Variants in ANGPT1 observed in about 807,000 individuals in gnomAD.
ANGPT1 encodes angiopoietin 1, also known as angiopoietin-1.
ANGPT1 carries 17 observed loss-of-function variants against 62.2 expected under a neutral mutation model. The ratio of observed to expected loss-of-function variants is 0.27; its 90% CI spans 0.19 to 0.41. The LOEUF is 0.41. ANGPT1 is among the 10% of genes least tolerant of loss of function. The probability of loss-of-function intolerance (pLI) is 1.00; values close to 1 mark genes in which losing one functional copy is unlikely to be tolerated. For missense variants in ANGPT1, 478 were observed against 594.9 expected (o/e 0.80, Z 2.04); for synonymous variants, 199 against 198.9 (o/e 1.00, Z 0.00).
chr8:107,357,024 T>C (rs1390463904), intron 1 of ANGPT1, among the ~76,000 whole-genome samples: 1 of 152,356 alleles, frequency 6.6e-6, no homozygotes, highest in East Asian at 1.9e-4. Context: ...TACACACATA[T>C]ATTTCCCTAT....
intron 8 of ANGPT1, among the ~76,000 whole-genome samples, chr8:107,263,354 CAAAAAAAAAAA>C (rs36190408): frequency 3.0e-4 from 27 of 91,280 alleles, no homozygotes; most frequent in Non-Finnish European, 4.5e-4. Flanking sequence ...AACTCAGTTT[CAAAAAAAAAAA>C]AAAAAAAAAA....
intron 4 of ANGPT1, among the ~76,000 whole-genome samples, chr8:107,310,914 T>C (rs1349972593): frequency 6.6e-6 from 1 of 151,234 alleles, no homozygotes; most frequent in Non-Finnish European, 1.5e-5. Context: ...GGAATATGTG[T>C]GTGTGTGTAT....
chr8:107,274,546 A>C (rs948827827), intron 7 of ANGPT1, among the ~76,000 whole-genome samples: 1 of 152,156 alleles, frequency 6.6e-6, no homozygotes, highest in African/African-American at 2.4e-5. Flanking sequence ...AGATAAAGAT[A>C]AAAGAAGCTA....
chr8:107,406,093 AAATAT>A (rs1817142754), intron 1 of ANGPT1, among the ~76,000 whole-genome samples: 1 of 151,912 alleles, frequency 6.6e-6, no homozygotes, highest in Non-Finnish European at 1.5e-5. Context: ...TTAATAATTA[AAATAT>A]AATATGTAAT....
chr8:107,355,732 G>A (rs1176640911), intron 1 of ANGPT1, among the ~76,000 whole-genome samples: 2 of 151,982 alleles, frequency 1.3e-5, no homozygotes, highest in African/African-American at 4.8e-5. Flanking sequence ...TCCTCCTCTA[G>A]GAAGCCTCTC....
intron 1 of ANGPT1, among the ~76,000 whole-genome samples, chr8:107,388,456 A>G (rs1375451594): frequency 6.6e-6 from 1 of 152,034 alleles, no homozygotes; most frequent in East Asian, 1.9e-4. Flanking sequence ...AATAAATAAA[A>G]CAAAATATCC....
intron 1 of ANGPT1, among the ~76,000 whole-genome samples, chr8:107,390,450 C>T (rs1345073599): frequency 2.0e-5 from 3 of 152,240 alleles, no homozygotes; most frequent in Admixed American, 6.5e-5. Context: ...AGTACAGATA[C>T]TGAGATGAGT....
At chr8:107,277,299 A>T (rs2130100394) in intron 7 of ANGPT1, among the ~76,000 whole-genome samples, 1 of 152,288 alleles carries the variant, frequency 6.6e-6, no homozygotes, top group East Asian at 1.9e-4. Flanking sequence ...TTTATAATGG[A>T]ATATGTTCAC....
intron 1 of ANGPT1, among the ~76,000 whole-genome samples, chr8:107,474,074 G>C (rs1339017004): frequency 6.6e-6 from 1 of 151,970 alleles, no homozygotes; most frequent in Non-Finnish European, 1.5e-5. Context: ...GGAATCCAAA[G>C]TAACTCATTT....
At chr8:107,466,168 A>G (rs779008355) in intron 1 of ANGPT1, among the ~76,000 whole-genome samples, 2 of 152,180 alleles carry the variant, frequency 1.3e-5, no homozygotes, top group Non-Finnish European at 2.9e-5. Flanking sequence ...ATGCAATTCA[A>G]TTACTTAAAT....
chr8:107,369,921 T>G (rs112858369), intron 1 of ANGPT1, among the ~76,000 whole-genome samples: 5,953 of 152,026 alleles, frequency 0.039, 300 homozygotes, highest in African/African-American at 0.12. Context: ...GAGGTTTGCT[T>G]GAGCCCAGGA....
intron 7 of ANGPT1, among the ~76,000 whole-genome samples, chr8:107,277,492 T>C (rs1456826525): frequency 6.6e-6 from 1 of 152,128 alleles, no homozygotes; most frequent in Admixed American, 6.6e-5. Context: ...CAAGAGGAAA[T>C]ATTATACTAC....
At chr8:107,322,280 C>A (rs1403489252) in intron 3 of ANGPT1, 152 bp from the exon 4 acceptor site, 7 of 630,458 alleles carry the variant, frequency 1.1e-5, no homozygotes, top group Non-Finnish European at 1.9e-5. Context: ...AATATGTATT[C>A]TTCAGAATAG....
At chr8:107,413,803 C>A (rs902950388) in intron 1 of ANGPT1, among the ~76,000 whole-genome samples, 2 of 151,792 alleles carry the variant, frequency 1.3e-5, no homozygotes, top group African/African-American at 4.8e-5. Context: ...ACTTGGTGAG[C>A]CACATTAGAG....
Position 107,473,542 on chromosome 8 carries a change from C to G in ANGPT1, c.297+23720G>C, listed in dbSNP as rs369910868. The stretch of plus-strand genomic sequence containing the variant: ...ATGCCTCTCAGACAGACTCTTAGTA[C>G]TTAAATTATTCTTCACTGAATTTGT... On this transcript the variant is annotated intron_variant, in intron 1 of 8. Transcript: ENST00000517746. 3.4e-4 allele frequency among the ~76,000 whole-genome samples: 51 copies of G among 152,098 alleles called. No individual in the cohort carries two copies. The East Asian group carries it at 8.5e-3, about 25-fold the overall frequency.
chr8:107,407,448 T>G (rs999525345), intron 1 of ANGPT1, among the ~76,000 whole-genome samples: 1 of 152,192 alleles, frequency 6.6e-6, no homozygotes, highest in Non-Finnish European at 1.5e-5. Context: ...CATGGCTTCA[T>G]GCACAATTTA....
At chr8:107,388,636 A>G (rs180709142) in intron 1 of ANGPT1, among the ~76,000 whole-genome samples, 61 of 152,212 alleles carry the variant, frequency 4.0e-4, no homozygotes, top group African/African-American at 1.4e-3. Flanking sequence ...TGCATAGCAT[A>G]GTCTCTAGAG....
chr8:107,370,348 GAAA>G (rs1488737527), intron 1 of ANGPT1, among the ~76,000 whole-genome samples: 239 of 17,790 alleles, frequency 0.013, 53 homozygotes, highest in Middle Eastern at 0.048. Context: ...GAAAAAGAAA[GAAA>G]GAAAGAAAGA....
intron 2 of ANGPT1, among the ~76,000 whole-genome samples, chr8:107,341,821 C>T (rs1304454621): frequency 6.6e-6 from 1 of 151,946 alleles, no homozygotes; most frequent in Non-Finnish European, 1.5e-5. Flanking sequence ...AGTCTATCTC[C>T]GGAGTCTGGG....
Sources: gnomAD v4.1 joint callset for allele counts (sites outside exome capture counted in the v4.1 genomes callset) on GRCh38, gnomAD v4.1.1 for gene constraint, MANE v1.5 for transcripts, NCBI Gene and HGNC (gene_info 2026-07-23, HGNC 2026-07-21) for gene names.